ANK3: variants seen among roughly 807,000 people sequenced by gnomAD.
The protein encoded by ANK3 is ankyrin-3.
In ANK3, 57 loss-of-function variants were observed where a neutral mutation model predicts 370.9. That is an observed-to-expected ratio of 0.15 (90% CI 0.12 to 0.19). The LOEUF is 0.19. ANK3 is among the 10% of genes least tolerant of loss of function. The pLI, the probability that ANK3 is intolerant of heterozygous loss-of-function variation, is 1.00. For missense variants in ANK3, 4,439 were observed against 5,302.1 expected (o/e 0.84, Z 5.06); for synonymous variants, 1,929 against 1,946.3 (o/e 0.99, Z 0.23).
intron 2 of ANK3, among the ~76,000 whole-genome samples, chr10:60,520,540 G>A (rs1020968965): frequency 3.3e-5 from 5 of 152,178 alleles, no homozygotes; most frequent in South Asian, 2.1e-4. Context: ...AAAATATGGC[G>A]ATGAAAAAGT....
At chr10:60,651,143 A>G (rs1031069) in intron 1 of ANK3, among the ~76,000 whole-genome samples, 41,003 of 152,120 alleles carry the variant, frequency 0.27, 6,675 homozygotes, top group South Asian at 0.49. Context: ...GTTTATGTAT[A>G]TGAATGTGTA....
At chr10:60,311,631 C>T (rs960069187) in intron 1 of ANK3, among the ~76,000 whole-genome samples, 4 of 152,044 alleles carry the variant, frequency 2.6e-5, no homozygotes, top group Admixed American at 1.3e-4. Context: ...AGTACGTCTC[C>T]CCTCTGCCTC....
intron 8 of ANK3, among the ~76,000 whole-genome samples, chr10:60,227,180 C>CT (rs922074699): frequency 2.0e-5 from 3 of 151,430 alleles, no homozygotes; most frequent in East Asian, 1.9e-4. Flanking sequence ...ATATAAATAC[C>CT]TTTTTTACTA....
At position 60,330,594 on chromosome 10, in the gene ANK3, A is replaced by G. The variant is rs186949742; in HGVS notation, c.115-50955T>C. ...AGCTCTCACGCCAGTTAGAATGGCGATCATTAAAAAGTCAGGAAACAACAG... is the reference window on the plus strand; with the variant it reads ...AGCTCTCACGCCAGTTAGAATGGCGGTCATTAAAAAGTCAGGAAACAACAG... On this transcript the variant is annotated intron_variant, in intron 1 of 43. Coordinates refer to ENST00000280772, the MANE Select transcript of ANK3 (RefSeq NM_020987.5). 1.9e-3 allele frequency among the ~76,000 whole-genome samples: 296 copies of G among 152,346 alleles called. 2 individuals carry two copies. The highest frequency in any genetic ancestry group is 0.017 in the Middle Eastern group (5 of 294).
At chr10:60,461,761 C>T (rs138582647) in intron 2 of ANK3, among the ~76,000 whole-genome samples, 51 of 152,230 alleles carry the variant, frequency 3.4e-4, no homozygotes, top group African/African-American at 1.1e-3. Context: ...TGGGCAAGGT[C>T]GAAAATCACG....
intron 12 of ANK3, among the ~76,000 whole-genome samples, chr10:60,202,097 A>C (rs2096688025): frequency 6.6e-6 from 1 of 151,966 alleles, no homozygotes; most frequent in African/African-American, 2.4e-5. Context: ...TTGTTGTAGA[A>C]AAATACCCCC....
intron 1 of ANK3, among the ~76,000 whole-genome samples, chr10:60,633,976 A>T (rs74155633): frequency 6.6e-6 from 1 of 152,228 alleles, no homozygotes; most frequent in Non-Finnish European, 1.5e-5. Flanking sequence ...AATAGAATAC[A>T]TATCTCATGG....
chr10:60,481,694 C>T (rs1322272453), intron 2 of ANK3, among the ~76,000 whole-genome samples: 3 of 152,158 alleles, frequency 2.0e-5, no homozygotes, highest in Non-Finnish European at 2.9e-5. Flanking sequence ...AAACTCCTGA[C>T]CTCAGGTGAT....
At chr10:60,724,944 C>T (rs551801390) in intron 1 of ANK3, among the ~76,000 whole-genome samples, 15 of 152,302 alleles carry the variant, frequency 9.8e-5, no homozygotes, top group African/African-American at 3.6e-4. Context: ...GTTAACTATA[C>T]TTCCCGGTTC....
intron 25 of ANK3, among the ~76,000 whole-genome samples, chr10:60,122,637 G>C (rs1461528872): frequency 6.6e-6 from 1 of 152,188 alleles, no homozygotes; most frequent in Non-Finnish European, 1.5e-5. Context: ...TTGATATGGA[G>C]ATAAAAGAAA....
Position 60,069,486 on chromosome 10 carries a change from T to C in ANK3, c.11395A>G (p.Thr3799Ala). ...NNNLDSSTIQ[T>A]DNIMSNIVLT... ...ACTATATTACTCATAATGTTATCTG[T>C]CTGTATAGTGGAAGAATCCAAATTG... is the stretch of plus-strand genomic sequence containing the variant. Residue 3799 changes from threonine to alanine, a missense_variant, in exon 37 of 44, where the codon ACA becomes GCA. Thr to Ala is a moderately conservative substitution (Grantham distance 58). Transcript: ENST00000280772. The C allele has an allele frequency of 6.2e-7, 1 of 1,614,012 alleles. No homozygotes were observed. Among genetic ancestry groups the C allele is most frequent in the Non-Finnish European group, 8.5e-7 (1 of 1,179,914 alleles).
chr10:60,695,139 A>G (rs1024569770), intron 1 of ANK3, among the ~76,000 whole-genome samples: 1 of 152,044 alleles, frequency 6.6e-6, no homozygotes, highest in African/African-American at 2.4e-5. Context: ...CAAAGATCAA[A>G]AGAGACAAAG....
At chr10:60,429,518 G>A (rs1402698718) in intron 2 of ANK3, among the ~76,000 whole-genome samples, 6 of 152,202 alleles carry the variant, frequency 3.9e-5, no homozygotes, top group Admixed American at 3.3e-4. Flanking sequence ...GGAAAAATAA[G>A]AAGTGAGTAT....
At chr10:60,524,230 C>T (rs2076417035) in intron 2 of ANK3, among the ~76,000 whole-genome samples, 1 of 152,090 alleles carries the variant, frequency 6.6e-6, no homozygotes, top group Non-Finnish European at 1.5e-5. Context: ...GGATTTTAAC[C>T]AGCCATCCCA....
At chr10:60,347,561 T>C (rs2132682147) in intron 1 of ANK3, among the ~76,000 whole-genome samples, 1 of 152,200 alleles carries the variant, frequency 6.6e-6, no homozygotes, top group East Asian at 1.9e-4. Context: ...AAAAATATCC[T>C]ACAGGGTTGT....
At chr10:60,460,678 TA>T (rs1199880078) in intron 2 of ANK3, among the ~76,000 whole-genome samples, 1 of 152,148 alleles carries the variant, frequency 6.6e-6, no homozygotes, top group Non-Finnish European at 1.5e-5. Flanking sequence ...GTGAAAGTAT[TA>T]CCACCAAAAA....
At chr10:60,263,437 G>T (rs866777180) in intron 6 of ANK3, among the ~76,000 whole-genome samples, 2 of 152,156 alleles carry the variant, frequency 1.3e-5, no homozygotes, top group African/African-American at 4.8e-5. Context: ...GCTGATCTAC[G>T]CTCAGTGCCT....
chr10:60,636,445 T>C (rs1490740846), intron 1 of ANK3, among the ~76,000 whole-genome samples: 1 of 152,208 alleles, frequency 6.6e-6, no homozygotes, highest in Non-Finnish European at 1.5e-5. Context: ...TTTCTTCTCT[T>C]CGTGTGATGG....
chr10:60,568,367 T>C (rs2077511990), intron 2 of ANK3, among the ~76,000 whole-genome samples: 1 of 152,232 alleles, frequency 6.6e-6, no homozygotes, highest in African/African-American at 2.4e-5. Context: ...CGCAGAAAGT[T>C]CAAGTATGTG....
Sources: gnomAD v4.1 joint callset for allele counts (sites outside exome capture counted in the v4.1 genomes callset) on GRCh38, gnomAD v4.1.1 for gene constraint, MANE v1.5 for transcripts, NCBI Gene and HGNC (gene_info 2026-07-23, HGNC 2026-07-21) for gene names.